CRPPA: variants seen among roughly 807,000 people sequenced by gnomAD.
CRPPA encodes CDP-L-ribitol pyrophosphorylase A.
CRPPA carries 43 observed loss-of-function variants against 52.0 expected under a neutral mutation model. That is an observed-to-expected ratio of 0.83 (90% CI 0.65 to 1.07). The LOEUF (loss-of-function observed/expected upper bound fraction) is 1.07. Among genes scored for constraint, CRPPA ranks in the 50% least tolerant of loss-of-function variants. The pLI is 0.00. For synonymous variants in CRPPA, 250 were observed against 203.5 expected (o/e 1.23, Z -1.94); for missense variants, 629 against 551.7 (o/e 1.14, Z -1.40).
At chr7:16,387,096 T>TATATATATATAC (rs1787308654) in intron 2 of CRPPA, among the ~76,000 whole-genome samples, 1 of 127,632 alleles carries the variant, frequency 7.8e-6, no homozygotes, top group African/African-American at 2.9e-5. Context: ...TACACACATA[T>TATATATATATAC]ATATATGTAT....
chr7:16,197,938 C>G (rs1229310530), intron 9 of CRPPA, among the ~76,000 whole-genome samples: 1 of 147,022 alleles, frequency 6.8e-6, no homozygotes, highest in Non-Finnish European at 1.5e-5. Context: ...CTTTGTTAAA[C>G]AGATGCTTGA....
At chr7:16,369,324 G>A (rs1786688361) in intron 3 of CRPPA, among the ~76,000 whole-genome samples, 1 of 152,206 alleles carries the variant, frequency 6.6e-6, no homozygotes, top group African/African-American at 2.4e-5. Context: ...AAACAGAACA[G>A]GGCAGGGAGT....
intron 9 of CRPPA, among the ~76,000 whole-genome samples, chr7:16,197,131 G>T (rs548369699): frequency 8.5e-5 from 13 of 152,084 alleles, no homozygotes; most frequent in Non-Finnish European, 1.6e-4. Context: ...AAGAATGCTG[G>T]AGGGCAAGAA....
At chr7:16,254,792 G>GGAAGGAAGGAAA (rs1392503305) in intron 8 of CRPPA, among the ~76,000 whole-genome samples, 50 of 101,758 alleles carry the variant, frequency 4.9e-4, no homozygotes, top group African/African-American at 1.8e-3. Flanking sequence ...AAAGAAAGAA[G>GGAAGGAAGGAAA]GAAAGAAAGA....
Position 16,237,134 on chromosome 7 carries a change from T to C in CRPPA, c.1120-20937A>G, listed in dbSNP as rs1024480991. ...GTTTTATGAGACATAAAATTAGAGG[T>C]TATACTTCTTTTCTCTCATTTATTT... On this transcript the variant is annotated intron_variant, in intron 8 of 9. Coordinates refer to ENST00000407010, the MANE Select transcript of CRPPA (RefSeq NM_001101426.4). Among the ~76,000 whole-genome samples the C allele has an allele frequency of 9.2e-5, 14 of 152,272 alleles. No individual in the cohort carries two copies. The East Asian group carries it at 1.7e-3, about 19-fold the overall frequency.
At chr7:16,350,355 G>A (rs1047808562) in intron 3 of CRPPA, among the ~76,000 whole-genome samples, 17 of 151,960 alleles carry the variant, frequency 1.1e-4, no homozygotes, top group South Asian at 4.2e-4. Flanking sequence ...ACACTAATAC[G>A]GTAATGGCAA....
chr7:16,380,530 T>C (rs957686823), intron 2 of CRPPA, among the ~76,000 whole-genome samples: 3 of 152,210 alleles, frequency 2.0e-5, no homozygotes, highest in African/African-American at 7.2e-5. Context: ...GGATTCCCTC[T>C]TTTTCTATTG....
At chr7:16,198,431 C>T (rs1015134740) in intron 9 of CRPPA, among the ~76,000 whole-genome samples, 3 of 106,114 alleles carry the variant, frequency 2.8e-5, no homozygotes, top group South Asian at 4.3e-4. Flanking sequence ...CCTTTGTTCA[C>T]GTGTTTGTCT....
chr7:16,356,989 T>C (rs1786312382), intron 3 of CRPPA, among the ~76,000 whole-genome samples: 2 of 152,234 alleles, frequency 1.3e-5, no homozygotes, highest in African/African-American at 2.4e-5. Context: ...ATCAAACTCC[T>C]ATTAATATAG....
At position 16,165,042 on chromosome 7, in the gene CRPPA, G is replaced by A. The variant is rs183698003; in HGVS notation, c.1251+51024C>T. ...GCTCAAGCATTGTGCTGGGAGATCC[G>A]CTGCTACCTTCACAGCTGGCAGGTA... On this transcript the variant is annotated intron_variant, in intron 9 of 9. Coordinates refer to ENST00000407010, the MANE Select transcript of CRPPA (RefSeq NM_001101426.4). Among the ~76,000 whole-genome samples, 155 of 152,158 alleles carry A rather than the reference G, an allele frequency of 1.0e-3. 5 individuals carry two copies. The highest frequency in any genetic ancestry group is 8.3e-3 in the Admixed American group (127 of 15,280).
chr7:16,368,104 C>A (rs1786656664), intron 3 of CRPPA, among the ~76,000 whole-genome samples: 1 of 149,968 alleles, frequency 6.7e-6, no homozygotes, highest in South Asian at 2.1e-4. Flanking sequence ...AGCATAACAC[C>A]AATTTTCACA....
At chr7:16,403,183 C>T (rs901093138) in intron 2 of CRPPA, among the ~76,000 whole-genome samples, 14 of 152,086 alleles carry the variant, frequency 9.2e-5, no homozygotes, top group African/African-American at 3.1e-4. Context: ...CCCAGAAAAA[C>T]TATCATCATT....
chr7:16,111,632 G>A (rs1782266645), intron 9 of CRPPA, among the ~76,000 whole-genome samples: 1 of 152,142 alleles, frequency 6.6e-6, no homozygotes. Context: ...ATGGATGGAA[G>A]TGGAGAACAT....
intron 9 of CRPPA, among the ~76,000 whole-genome samples, chr7:16,154,676 T>C (rs528161480): frequency 6.6e-6 from 1 of 152,314 alleles, no homozygotes; most frequent in Non-Finnish European, 1.5e-5. Flanking sequence ...CTTGTCTTGT[T>C]CTTGACTGTA....
At chr7:16,284,777 T>C (rs1264140086) in intron 5 of CRPPA, among the ~76,000 whole-genome samples, 1 of 152,134 alleles carries the variant, frequency 6.6e-6, no homozygotes, top group African/African-American at 2.4e-5. Flanking sequence ...TTGCTACTGA[T>C]AATTTGAAAA....
chr7:16,223,311 C>G (rs1782569924), intron 8 of CRPPA, among the ~76,000 whole-genome samples: 1 of 152,156 alleles, frequency 6.6e-6, no homozygotes, highest in Non-Finnish European at 1.5e-5. Flanking sequence ...TGACTTATTT[C>G]TATGTTATCC....
rs370709893 is a variant in CRPPA, at chr7:16,106,524, G to C, written c.1252-14725C>G. Among the ~76,000 whole-genome samples the C allele has an allele frequency of 7.8e-4, 119 of 152,268 alleles. 2 individuals are homozygous for C. In the South Asian group the frequency reaches 0.024, roughly 30 times the overall value. On this transcript the variant is annotated intron_variant, in intron 9 of 9. Coordinates refer to ENST00000407010, the MANE Select transcript of CRPPA (RefSeq NM_001101426.4). ...CAACCAGTAGCCCCACCTGACATTT[G>C]AGCAAAAGGTGGTGACTCAGCCAAC...
chr7:16,323,691 T>C (rs980496637), intron 3 of CRPPA, among the ~76,000 whole-genome samples: 18 of 152,186 alleles, frequency 1.2e-4, no homozygotes, highest in African/African-American at 3.9e-4. Context: ...AGCAAACTGA[T>C]ATAATTGCTT....
intron 9 of CRPPA, among the ~76,000 whole-genome samples, chr7:16,171,929 T>C (rs562272770): frequency 6.6e-6 from 1 of 152,328 alleles, no homozygotes; most frequent in African/African-American, 2.4e-5. Flanking sequence ...ATAATTGTGA[T>C]ATAAATATTT....
Sources: allele counts gnomAD v4.1 joint callset (sites outside exome capture counted in the v4.1 genomes callset), GRCh38; gene constraint gnomAD v4.1.1; transcripts MANE v1.5; gene names NCBI Gene and HGNC (gene_info 2026-07-23, HGNC 2026-07-21).